Variants in ZDHHC15 observed in about 807,000 individuals in gnomAD.
ZDHHC15 encodes the protein palmitoyltransferase ZDHHC15.
Under a neutral mutation model 31.7 loss-of-function variants are expected in ZDHHC15, and 19 were observed. The ratio of observed to expected loss-of-function variants is 0.60; its 90% CI spans 0.42 to 0.88. The LOEUF is 0.88. ZDHHC15 is among the 40% of genes least tolerant of loss of function. ZDHHC15 has a pLI of 0.00. For missense variants in ZDHHC15, 209 were observed against 251.2 expected (o/e 0.83, Z 1.14); for synonymous variants, 103 against 90.0 (o/e 1.14, Z -0.82).
At chrX:75,415,915 C>A (rs2083543487) in intron 10 of ZDHHC15, among the ~76,000 whole-genome samples, 1 of 111,759 alleles carries the variant, frequency 8.9e-6, no homozygotes, top group Non-Finnish European at 1.9e-5. Flanking sequence ...CAGGTAAAGA[C>A]CTGATAATTA....
Position 75,370,226 on chromosome X carries a change from C to T in ZDHHC15, c.*2752G>A, listed in dbSNP as rs1323996984. ...CCTAACAATGAGTATCTTCATTTTG[C>T]AAACGGAGAAAATGAGTATCAACAA... On this transcript the variant is annotated 3_prime_UTR_variant, in exon 12 of 12. Coordinates refer to ENST00000373367, the MANE Select transcript of ZDHHC15 (RefSeq NM_144969.3). 1 of 111,574 alleles carries T rather than the reference C, an allele frequency of 9.0e-6. No homozygotes were observed. The highest frequency in any genetic ancestry group is 3.3e-5 in the African/African-American group (1 of 30,678). The allele number at this position is 111,574 out of a possible 1,213,427, so 9.2% of individuals were successfully genotyped here. A position where few individuals can be genotyped will look rare whatever the true frequency, so the allele number is the denominator to read the frequency against.
chrX:75,420,189 C>A (rs1337591655), intron 9 of ZDHHC15, among the ~76,000 whole-genome samples: 3 of 111,092 alleles, frequency 2.7e-5, no homozygotes, highest in Non-Finnish European at 5.7e-5. Flanking sequence ...ATGTGGCCAA[C>A]AAACATATTA....
intron 4 of ZDHHC15, 98 bp downstream of exon 4, chrX:75,450,704 T>C (rs781419514): frequency 4.9e-5 from 59 of 1,200,542 alleles, no homozygotes; most frequent in East Asian, 1.8e-4. Context: ...TTTCAGAAGA[T>C]GGGAGGAAAA....
intron 3 of ZDHHC15, among the ~76,000 whole-genome samples, chrX:75,471,445 C>A (rs945839133): frequency 2.7e-5 from 3 of 111,933 alleles, no homozygotes; most frequent in African/African-American, 9.8e-5. Context: ...GGAAATAAAT[C>A]TGACTAAAAT....
At chrX:75,452,330 G>A (rs2084135518) in intron 3 of ZDHHC15, among the ~76,000 whole-genome samples, 2 of 110,833 alleles carry the variant, frequency 1.8e-5, no homozygotes, top group Non-Finnish European at 3.8e-5. Flanking sequence ...AATTCAACAA[G>A]AAGAGCTAAC....
Position 75,433,380 on chromosome X carries a change from T to A in ZDHHC15, c.380-1860A>T, listed in dbSNP as rs138166231. 3.9e-3 allele frequency among the ~76,000 whole-genome samples: 430 copies of A among 110,733 alleles called. 2 individuals carry two copies. The highest frequency in any genetic ancestry group is 0.014 in the African/African-American group (414 of 30,458). On this transcript the variant is annotated intron_variant, in intron 4 of 11. Transcript: ENST00000373367. The stretch of plus-strand genomic sequence containing the variant: ...TTCTGAGATTTTGGTGCACCCACCA[T>A]CTAAGCCGTAAACACTGTACCCAGC...
chrX:75,376,598 C>A (rs781583205), intron 11 of ZDHHC15, among the ~76,000 whole-genome samples: 15 of 111,170 alleles, frequency 1.3e-4, no homozygotes, highest in African/African-American at 3.9e-4. Context: ...AAGTAAGGGT[C>A]CAGTTTCAGT....
At chrX:75,491,668 A>T (rs1476970197) in intron 2 of ZDHHC15, among the ~76,000 whole-genome samples, 1 of 111,279 alleles carries the variant, frequency 9.0e-6, no homozygotes, top group Non-Finnish European at 1.9e-5. Context: ...TTTTCAACCC[A>T]GAATTTCATA....
chrX:75,429,332 T>C (rs1002374862), intron 6 of ZDHHC15, 134 bp from the exon 7 acceptor site: 80 of 744,941 alleles, frequency 1.1e-4, no homozygotes, highest in Non-Finnish European at 1.4e-4. Context: ...CCAATAGAGA[T>C]AGAAGTCCCT....
chrX:75,451,764 CA>C (rs1023673300), intron 3 of ZDHHC15, among the ~76,000 whole-genome samples: 2 of 111,413 alleles, frequency 1.8e-5, no homozygotes, highest in African/African-American at 6.5e-5. Flanking sequence ...CAGATAATAA[CA>C]GGTAAATAAA....
At position 75,417,081 on chromosome X, in the gene ZDHHC15, A is replaced by G; in HGVS notation, c.967+6T>C. 4 of 1,195,707 alleles carry G rather than the reference A, an allele frequency of 3.3e-6. No individual in the cohort carries two copies. The highest frequency in any genetic ancestry group is 4.5e-6 in the Non-Finnish European group (4 of 882,326). On this transcript the variant is annotated splice_donor_region_variant and intron_variant, in intron 10 of 11. Transcript: ENST00000373367. ...TGTGGACTTCATAGTCTTTGACCCC[A>G]CTTACCTTGGTTGTCATCCTCGTTG...
chrX:75,416,661 G>C (rs966011087), intron 10 of ZDHHC15, among the ~76,000 whole-genome samples: 1 of 111,482 alleles, frequency 9.0e-6, no homozygotes, highest in African/African-American at 3.3e-5. Flanking sequence ...TTAGTTTTTA[G>C]TGTATTGAAA....
At chrX:75,408,366 A>G (rs2083444567) in intron 10 of ZDHHC15, among the ~76,000 whole-genome samples, 1 of 112,074 alleles carries the variant, frequency 8.9e-6, no homozygotes, top group African/African-American at 3.2e-5. Context: ...GATTATTTCA[A>G]TAGCTGCTGA....
chrX:75,457,610 A>G (rs1446169617), intron 3 of ZDHHC15, among the ~76,000 whole-genome samples: 3 of 107,359 alleles, frequency 2.8e-5, no homozygotes, highest in Non-Finnish European at 5.8e-5. Context: ...ATCTGGGTGT[A>G]TATGTGTGAG....
At chrX:75,496,047 A>G (rs755896745) in intron 2 of ZDHHC15, among the ~76,000 whole-genome samples, 3 of 111,204 alleles carry the variant, frequency 2.7e-5, no homozygotes, top group Admixed American at 9.6e-5. Context: ...ATCTATTTAG[A>G]AGATACAGAA....
chrX:75,421,697 A>T (rs913235072), intron 9 of ZDHHC15, among the ~76,000 whole-genome samples, 167 bp downstream of exon 9: 10 of 106,453 alleles, frequency 9.4e-5, no homozygotes, highest in Non-Finnish European at 1.7e-4. Context: ...TATCTATTTT[A>T]TCAGACCCTC....
intron 1 of ZDHHC15, among the ~76,000 whole-genome samples, chrX:75,508,555 C>T (rs1019930596): frequency 1.1e-4 from 12 of 109,453 alleles, no homozygotes; most frequent in Non-Finnish European, 1.9e-4. Flanking sequence ...CACTGATGGA[C>T]ATTTAGGTTG....
intron 3 of ZDHHC15, 150 bp downstream of exon 3, chrX:75,478,741 C>A: frequency 2.3e-6 from 1 of 440,943 alleles, no homozygotes; most frequent in South Asian, 4.1e-5. Flanking sequence ...ATAGCCTATC[C>A]TACCCTCAAT....
chrX:75,485,282 T>C (rs912460732), intron 2 of ZDHHC15, among the ~76,000 whole-genome samples: 3 of 111,405 alleles, frequency 2.7e-5, no homozygotes, highest in Admixed American at 9.6e-5. Flanking sequence ...TCATCTTAGA[T>C]TTTTTGACAT....
Sources: allele counts gnomAD v4.1 joint callset (sites outside exome capture counted in the v4.1 genomes callset), GRCh38; gene constraint gnomAD v4.1.1; transcripts MANE v1.5; gene names NCBI Gene and HGNC (gene_info 2026-07-23, HGNC 2026-07-21).